The following MMP25 variants were observed in gnomAD, a reference collection of about 807,000 sequenced individuals.
MMP25 encodes the protein matrix metallopeptidase 25.
MMP25 carries 68 observed loss-of-function variants against 62.1 expected under a neutral mutation model. That is an observed-to-expected ratio of 1.10 (90% CI 0.90 to 1.34). The LOEUF (loss-of-function observed/expected upper bound fraction) is 1.34. Among genes scored for constraint, MMP25 ranks in the 40% most tolerant of loss-of-function variants. MMP25 has a pLI of 0.00. For missense variants in MMP25, 942 were observed against 792.5 expected (o/e 1.19, Z -2.26); for synonymous variants, 407 against 345.6 (o/e 1.18, Z -1.97).
At chr16:3,058,362 G>A (rs1234322832) in intron 8 of MMP25, 29 bp downstream of exon 8, 1 of 1,510,496 alleles carries the variant, frequency 6.6e-7, no homozygotes, top group Non-Finnish European at 8.8e-7. Flanking sequence ...GGGGCGCGCT[G>A]GGGCCGGCGC....
chr16:3,058,580 C>T lies in MMP25; in HGVS notation c.1328C>T (p.Ala443Val). The T allele has an allele frequency of 1.2e-6, 2 of 1,607,992 alleles. No homozygotes were observed. Among genetic ancestry groups the T allele is most frequent in the Non-Finnish European group, 8.5e-7 (1 of 1,178,092 alleles). The change falls in exon 9 of 10, where the codon GCG (alanine) becomes GTG (valine). Residue 443 changes from alanine (A) to valine (V), a missense_variant. By Grantham distance (64) the Ala-to-Val change is moderately conservative. Coordinates refer to ENST00000336577, the MANE Select transcript of MMP25 (RefSeq NM_022468.5). ...CAGTACTGGCGCTACGACGAGGCGG[C>T]GGCGCGCCCGGACCCCGGCTACCCT... is the stretch of plus-strand genomic sequence containing the variant. ...GRQYWRYDEA[A>V]ARPDPGYPRD...
intron 2 of MMP25, among the ~76,000 whole-genome samples, chr16:3,049,367 G>A (rs964993677): frequency 3.3e-5 from 5 of 152,188 alleles, no homozygotes; most frequent in African/African-American, 9.6e-5. Flanking sequence ...CCCTGTGTCT[G>A]TCCTGGTGAC....
At position 3,060,589 on chromosome 16, in the gene MMP25, C is replaced by T. The variant is rs1287567048; in HGVS notation, c.*1491C>T. ...AGGACAGAAGGCAGGAGACTTTGGT[C>T]AGTTACCTGGGAATTCTGGGCTGCC... On this transcript the variant is annotated 3_prime_UTR_variant, in exon 10 of 10. Coordinates refer to ENST00000336577, the MANE Select transcript of MMP25 (RefSeq NM_022468.5). The T allele has an allele frequency of 6.6e-6, 1 of 152,206 alleles. No individual in the cohort carries two copies. The highest frequency in any genetic ancestry group is 1.5e-5 in the Non-Finnish European group (1 of 68,040). 9.4% of individuals were successfully genotyped at this position (152,206 alleles called of 1,614,324 possible).
chr16:3,058,714 G>A (rs774987299), intron 9 of MMP25, 45 bp downstream of exon 9: 12 of 1,557,656 alleles, frequency 7.7e-6, no homozygotes, highest in East Asian at 2.3e-5. Flanking sequence ...TGGGGGTGGG[G>A]AGAGGGATGT....
intron 4 of MMP25, among the ~76,000 whole-genome samples, chr16:3,050,886 G>A (rs754088051): frequency 2.0e-5 from 3 of 152,064 alleles, no homozygotes; most frequent in East Asian, 1.9e-4. Context: ...TCACCTCCTG[G>A]GCTCAAGTGA....
chr16:3,054,627 T>TGGGTG (rs1955969940), intron 4 of MMP25: 1 of 140,212 alleles, frequency 7.1e-6, no homozygotes. Context: ...CAGGGATGAA[T>TGGGTG]GGACAGATGC....
chr16:3,058,913 G>C lies in MMP25; in HGVS notation c.1504G>C (p.Gly502Arg). ...CGAGCCGGACGCCCCCCAGCCCATGGGGCCCAACTGGCTGGACTGCCCCGC... is the reference window on the plus strand; with the variant it reads ...CGAGCCGGACGCCCCCCAGCCCATGCGGCCCAACTGGCTGGACTGCCCCGC... ...KTEPDAPQPM[G>R]PNWLDCPAPS... is the part of the protein sequence containing the mutation. The change falls in exon 10 of 10, where the codon GGG becomes CGG. Residue 502 changes from glycine (G) to arginine (R), a missense_variant. Coordinates refer to ENST00000336577, the MANE Select transcript of MMP25 (RefSeq NM_022468.5). 1 of 1,553,124 alleles carries C rather than the reference G, an allele frequency of 6.4e-7. No homozygotes were observed. Among genetic ancestry groups the C allele is most frequent in the East Asian group, 2.4e-5 (1 of 41,598 alleles).
intron 7 of MMP25, 62 bp downstream of exon 7, chr16:3,057,675 G>A (rs1323472928): frequency 1.4e-6 from 2 of 1,456,660 alleles, no homozygotes; most frequent in African/African-American, 1.4e-5. Context: ...TGACCCACTG[G>A]GGCTGTGGGC....
Position 3,059,900 on chromosome 16 carries a change from A to T in MMP25, c.*802A>T, listed in dbSNP as rs181926082. ...CACCTCCTCCTCCCCAGGCCACCCAACTTGGGCACCTCCCTGGGCCCAGAA... is the reference window on the plus strand; with the variant it reads ...CACCTCCTCCTCCCCAGGCCACCCATCTTGGGCACCTCCCTGGGCCCAGAA... On this transcript the variant is annotated 3_prime_UTR_variant, in exon 10 of 10. Transcript: ENST00000336577. 6.6e-6 allele frequency: 1 copy of T among 152,362 alleles called. No individual in the cohort carries two copies. Among genetic ancestry groups the T allele is most frequent in the Non-Finnish European group, 1.5e-5 (1 of 68,236 alleles). The allele number at this position is 152,362 out of a possible 1,614,324, so 9.4% of individuals were successfully genotyped here.
chr16:3,056,955 G>C, intron 4 of MMP25, 78 bp from the exon 5 acceptor site: 2 of 1,470,976 alleles, frequency 1.4e-6, no homozygotes, highest in Non-Finnish European at 1.8e-6. Flanking sequence ...GTTGGCCCCA[G>C]CTGCACTCGC....
intron 4 of MMP25, chr16:3,052,694 A>G (rs397841828): frequency 0.02 from 2,982 of 152,536 alleles, 75 homozygotes; most frequent in African/African-American, 0.067. Flanking sequence ...GAGTGGGAGG[A>G]GGAGGAGCAG....
chr16:3,050,158 C>T lies in MMP25; in HGVS notation c.368+14C>T. ...CCTGACATGGAGGTAGGTCCTGGGG[C>T]CCACCCGCACCCTGGCCCTGCCTGC... On this transcript the variant is annotated intron_variant, in intron 3 of 9. Coordinates refer to ENST00000336577, the MANE Select transcript of MMP25 (RefSeq NM_022468.5). 6.3e-7 allele frequency: 1 copy of T among 1,592,826 alleles called. No individual in the cohort carries two copies.
rs1955882954 is a variant in MMP25 at position 3,050,308 on chromosome 16, C to T, written c.423C>T (p.Leu141=). 1.2e-6 allele frequency: 2 copies of T among 1,613,272 alleles called. No individual in the cohort carries two copies. Among genetic ancestry groups the T allele is most frequent in the Non-Finnish European group, 1.7e-6 (2 of 1,179,632 alleles). ...TGAGCCAGGAGACCGTGCGGGTCCT[C>T]ATGAGCTATGCCCTGATGGCCTGGG... ...SQLSQETVRV[L]MSYALMAWGM... Residue 141 remains leucine, a synonymous_variant, in exon 4 of 10, where the codon CTC becomes CTT. Coordinates refer to ENST00000336577, the MANE Select transcript of MMP25 (RefSeq NM_022468.5).
intron 2 of MMP25, among the ~76,000 whole-genome samples, chr16:3,048,416 C>T (rs1390128775): frequency 1.3e-5 from 2 of 151,962 alleles, no homozygotes; most frequent in African/African-American, 2.4e-5. Context: ...CTAACTTTCT[C>T]GAGGGAGAGA....
Position 3,057,322 on chromosome 16 carries a change from A to G in MMP25, c.851A>G (p.Gln284Arg). The change falls in exon 6 of 10, where the codon CAA becomes CGA. Residue 284 changes from glutamine to arginine, a missense_variant. By Grantham distance (43) the Gln-to-Arg change is conservative (BLOSUM62 1). Coordinates refer to ENST00000336577, the MANE Select transcript of MMP25 (RefSeq NM_022468.5). ...GLQQLYGKAPQTPYDKPTRKP... is the reference protein window; with the variant it reads ...GLQQLYGKAPRTPYDKPTRKP... ...TCTTTCCTCACAGGGAAGGCGCCCC[A>G]AACCCCATATGACAAGCCCACAAGG... 1 of 1,613,956 alleles carries G rather than the reference A, an allele frequency of 6.2e-7. No homozygotes were observed. The highest frequency in any genetic ancestry group is 2.2e-5 in the East Asian group (1 of 44,862).
rs1198785631 is a variant in MMP25, at chr16:3,059,836, C to G, written c.*738C>G. The G allele has an allele frequency of 2.6e-5, 4 of 152,342 alleles. No individual in the cohort carries two copies. Among genetic ancestry groups the G allele is most frequent in the Non-Finnish European group, 5.9e-5 (4 of 68,194 alleles). 9.4% of individuals were successfully genotyped at this position (152,342 alleles called of 1,614,324 possible). A position where few individuals can be genotyped will look rare whatever the true frequency, so the allele number is the denominator to read the frequency against. ...AGTGGCTGGAGGGACGACCCTTGCT[C>G]TCCAGGCTGTTAACCTTTTCCGTTG... On this transcript the variant is annotated 3_prime_UTR_variant, in exon 10 of 10. Transcript: ENST00000336577.
At position 3,057,350 on chromosome 16, in the gene MMP25, A is replaced by G; in HGVS notation, c.879A>G (p.Lys293=). The G allele has an allele frequency of 6.2e-7, 1 of 1,613,462 alleles. No homozygotes were observed. Among genetic ancestry groups the G allele is most frequent in the Non-Finnish European group, 8.5e-7 (1 of 1,179,810 alleles). Residue 293 remains lysine (K), a synonymous_variant, in exon 6 of 10, where the codon AAA becomes AAG. Transcript: ENST00000336577. ...PQTPYDKPTR[K]PLAPPPQPPA... ...CCCCATATGACAAGCCCACAAGGAA[A>G]CCCCTGGCTCCTCCGCCCCAGCCCC...
At position 3,059,186 on chromosome 16, in the gene MMP25, G is replaced by A; in HGVS notation, c.*88G>A. On this transcript the variant is annotated 3_prime_UTR_variant, in exon 10 of 10. Transcript: ENST00000336577. ...GTCGGGGGTTGTGAGGCGCTGCGGA[G>A]GCCCCTTGTCTGTTCCCACGGACGG... 2 of 1,414,206 alleles carry A rather than the reference G, an allele frequency of 1.4e-6. No individual in the cohort carries two copies. Among genetic ancestry groups the A allele is most frequent in the Non-Finnish European group, 1.9e-6 (2 of 1,069,792 alleles). 87.6% of individuals were successfully genotyped at this position (1,414,206 alleles called of 1,614,324 possible).
chr16:3,060,553 A>C lies in MMP25; in HGVS notation c.*1455A>C, dbSNP rs1380729303. Reference sequence around the variant, plus strand: ...GGTTGCCCCAGTTGCTCATACAAACAGATCAGCATGAGGACAGAAGGCAGG... The same window carrying C: ...GGTTGCCCCAGTTGCTCATACAAACCGATCAGCATGAGGACAGAAGGCAGG... On this transcript the variant is annotated 3_prime_UTR_variant, in exon 10 of 10. Transcript: ENST00000336577. 6.6e-6 allele frequency: 1 copy of C among 152,208 alleles called. No individual in the cohort carries two copies. The highest frequency in any genetic ancestry group is 1.5e-5 in the Non-Finnish European group (1 of 68,032). The allele number at this position is 152,208 out of a possible 1,614,324, so 9.4% of individuals were successfully genotyped here.
Sources: allele counts gnomAD v4.1 joint callset (sites outside exome capture counted in the v4.1 genomes callset), GRCh38; gene constraint gnomAD v4.1.1; transcripts MANE v1.5; gene names NCBI Gene and HGNC (gene_info 2026-07-23, HGNC 2026-07-21).